The following CLEC16A variants were observed in gnomAD, a reference collection of about 807,000 sequenced individuals.
CLEC16A encodes protein CLEC16A.
Under a neutral mutation model 109.5 loss-of-function variants are expected in CLEC16A, and 51 were observed. The ratio of observed to expected loss-of-function variants is 0.47; its 90% CI spans 0.37 to 0.59. CLEC16A has a LOEUF of 0.59. Ranked by LOEUF, CLEC16A falls within the 20% of genes least tolerant of loss-of-function variation. CLEC16A has a pLI of 0.00. For missense variants in CLEC16A, 1,339 were observed against 1,394.0 expected (o/e 0.96, Z 0.63); for synonymous variants, 673 against 564.2 (o/e 1.19, Z -2.73).
intron 11 of CLEC16A, among the ~76,000 whole-genome samples, chr16:11,017,472 A>G (rs2152794630): frequency 6.6e-6 from 1 of 152,214 alleles, no homozygotes; most frequent in East Asian, 1.9e-4. Context: ...GAAGAATGCC[A>G]AATAATTTAT....
At position 10,961,135 on chromosome 16, in the gene CLEC16A, G is replaced by A. The variant is rs1215090325; in HGVS notation, c.210-1320G>A. On this transcript the variant is annotated intron_variant, in intron 2 of 23. Transcript: ENST00000409790. This position sits in a 1 kb window ranked among gnomAD's most constrained non-coding sequence, Gnocchi z 4.3. ...ACAGTGCGGCAGTGAGTTTGCTGGT[G>A]GCCCTTAGGAGTCACTGATTTATGC... Among the ~76,000 whole-genome samples, 1 of 152,144 alleles carries A rather than the reference G, an allele frequency of 6.6e-6. No individual in the cohort carries two copies. Among genetic ancestry groups the A allele is most frequent in the Non-Finnish European group, 1.5e-5 (1 of 68,034 alleles).
chr16:11,039,432 T>G (rs1328239581), intron 13 of CLEC16A, among the ~76,000 whole-genome samples: 1 of 152,186 alleles, frequency 6.6e-6, no homozygotes, highest in African/African-American at 2.4e-5. Context: ...TGGAGAGCTC[T>G]GCGATAAGTT....
intron 22 of CLEC16A, among the ~76,000 whole-genome samples, chr16:11,131,169 G>C (rs1468501475): frequency 6.6e-6 from 1 of 152,164 alleles, no homozygotes; most frequent in Non-Finnish European, 1.5e-5. Flanking sequence ...TGTGGGGGTG[G>C]GCAGGCATGG....
intron 19 of CLEC16A, among the ~76,000 whole-genome samples, chr16:11,118,466 G>T (rs1298708036): frequency 6.6e-6 from 1 of 152,158 alleles, no homozygotes; most frequent in African/African-American, 2.4e-5. Flanking sequence ...CCACTGCAGG[G>T]CTTGGCTTTA....
rs529078120 is a variant in CLEC16A at position 11,111,498 on chromosome 16, T to A, written c.2117-9117T>A. Among the ~76,000 whole-genome samples, 96 of 152,260 alleles carry A rather than the reference T, an allele frequency of 6.3e-4. 2 individuals carry two copies. The highest frequency in any genetic ancestry group is 2.1e-4 in the Non-Finnish European group (14 of 68,016). ...GGTCTAGACAATCACTGAGGCCCAC[T>A]CAGGTTCAAGGAGAAGGGTAGACCC... On this transcript the variant is annotated intron_variant, in intron 19 of 23. Coordinates refer to ENST00000409790, the MANE Select transcript of CLEC16A (RefSeq NM_015226.3).
chr16:10,969,439 A>G, intron 4 of CLEC16A, 130 bp downstream of exon 4: 1 of 594,348 alleles, frequency 1.7e-6, no homozygotes, highest in Non-Finnish European at 2.7e-6. Context: ...GCTTGTTATG[A>G]TTTTCATGGC....
At position 10,991,959 on chromosome 16, in the gene CLEC16A, C is replaced by G. The variant is rs779541592; in HGVS notation, c.1071+8968C>G. 3.3e-5 allele frequency among the ~76,000 whole-genome samples: 5 copies of G among 152,188 alleles called. No homozygotes were observed. In the South Asian group the frequency reaches 6.2e-4, roughly 19 times the overall value. On this transcript the variant is annotated intron_variant, in intron 10 of 23. Transcript: ENST00000409790. ...CCTGAGGGCAGTGCAGCTCTCATCC[C>G]TGGAGGTGATTAATGAGTGGGAGTT...
At chr16:11,082,384 T>G (rs935127292) in intron 19 of CLEC16A, among the ~76,000 whole-genome samples, 1 of 152,202 alleles carries the variant, frequency 6.6e-6, no homozygotes, top group Non-Finnish European at 1.5e-5. Flanking sequence ...GTCCGGTCTT[T>G]CAATTCTCTT....
At chr16:11,018,305 A>G (rs1215846148) in intron 11 of CLEC16A, among the ~76,000 whole-genome samples, 1 of 146,128 alleles carries the variant, frequency 6.8e-6, no homozygotes, top group Non-Finnish European at 1.5e-5. Context: ...AAAAAAAAAA[A>G]CAGGTGAAGA....
At position 11,039,750 on chromosome 16, in the gene CLEC16A, C is replaced by G. The variant is rs201358290; in HGVS notation, c.1538-4C>G. 6.3e-7 allele frequency: 1 copy of G among 1,595,344 alleles called. No homozygotes were observed. The highest frequency in any genetic ancestry group is 8.5e-7 in the Non-Finnish European group (1 of 1,170,984). Reference sequence around the variant, plus strand: ...TCCACTTACATCCTTCTCCTCTGTTCCAGGCATGGATCCTGAAAAATTAGA... The same window carrying G: ...TCCACTTACATCCTTCTCCTCTGTTGCAGGCATGGATCCTGAAAAATTAGA... On this transcript the variant is annotated splice_polypyrimidine_tract_variant and splice_region_variant and intron_variant, in intron 13 of 23. Coordinates refer to ENST00000409790, the MANE Select transcript of CLEC16A (RefSeq NM_015226.3).
intron 19 of CLEC16A, among the ~76,000 whole-genome samples, chr16:11,096,240 G>T (rs1269525355): frequency 3.4e-4 from 52 of 152,048 alleles, no homozygotes. Context: ...AGCTGCTCAG[G>T]AGGCTGAGGT....
chr16:11,112,389 G>A (rs575873514), intron 19 of CLEC16A, among the ~76,000 whole-genome samples: 1 of 151,514 alleles, frequency 6.6e-6, no homozygotes, highest in South Asian at 2.1e-4. Flanking sequence ...GTCAGGTGTG[G>A]TGGCTCACAC....
chr16:10,999,165 G>T (rs2044510648), intron 10 of CLEC16A, among the ~76,000 whole-genome samples: 1 of 152,056 alleles, frequency 6.6e-6, no homozygotes, highest in Non-Finnish European at 1.5e-5. Flanking sequence ...TTGAACTACT[G>T]GGCTCAAGGA....
rs374090733 is a variant in CLEC16A, at chr16:11,023,395, C to T, written c.1437-1426C>T. On this transcript the variant is annotated intron_variant, in intron 12 of 23. Transcript: ENST00000409790. ...AGCTGATTTACAAGAAAATGTTATC[C>T]TACTCCTAAGTCTGGAAGTGTTATT... 4.4e-4 allele frequency among the ~76,000 whole-genome samples: 67 copies of T among 152,246 alleles called. No individual in the cohort carries two copies. In the South Asian group the frequency reaches 0.014, roughly 32 times the overall value.
chr16:10,987,747 G>T (rs1196402285), intron 10 of CLEC16A, among the ~76,000 whole-genome samples: 2 of 152,220 alleles, frequency 1.3e-5, no homozygotes, highest in Non-Finnish European at 2.9e-5. Context: ...CTATGAGCGA[G>T]AACAGACTCC....
intron 18 of CLEC16A, among the ~76,000 whole-genome samples, chr16:11,060,466 C>T (rs888245249): frequency 1.3e-5 from 2 of 152,196 alleles, no homozygotes; most frequent in Non-Finnish European, 2.9e-5. Context: ...TTTTCCAGAG[C>T]CCATGCTGGT....
At chr16:11,053,716 A>G (rs1238644909) in intron 18 of CLEC16A, among the ~76,000 whole-genome samples, 3 of 152,184 alleles carry the variant, frequency 2.0e-5, no homozygotes, top group Admixed American at 2.0e-4. Context: ...TGATTTGCTC[A>G]AGGTCACCCA....
At chr16:11,096,607 CAT>C (rs769255978) in intron 19 of CLEC16A, among the ~76,000 whole-genome samples, 49 of 152,202 alleles carry the variant, frequency 3.2e-4, no homozygotes, top group Middle Eastern at 3.2e-3. Context: ...AAGATAACCA[CAT>C]GAGTTCATTT....
intron 19 of CLEC16A, among the ~76,000 whole-genome samples, chr16:11,114,794 C>T (rs559768896): frequency 1.3e-5 from 2 of 152,260 alleles, no homozygotes; most frequent in African/African-American, 4.8e-5. Flanking sequence ...ACCCAAAACC[C>T]GCAATTCCTT....
Sources: allele counts gnomAD v4.1 joint callset (sites outside exome capture counted in the v4.1 genomes callset), GRCh38; gene constraint gnomAD v4.1.1; non-coding constraint Gnocchi (gnomAD v3.1); transcripts MANE v1.5; gene names NCBI Gene and HGNC (gene_info 2026-07-23, HGNC 2026-07-21).